The following ARSF variants were observed in gnomAD, a reference collection of about 807,000 sequenced individuals.
ARSF encodes the protein arylsulfatase F.
Under a neutral mutation model 35.4 loss-of-function variants are expected in ARSF, and 33 were observed. The ratio of observed to expected loss-of-function variants is 0.93; its 90% CI spans 0.71 to 1.25. ARSF has a LOEUF of 1.25. ARSF is among the 50% of genes most tolerant of loss of function. The pLI, the probability that ARSF is intolerant of heterozygous loss-of-function variation, is 0.00. For missense variants in ARSF, 501 were observed against 480.2 expected (o/e 1.04, Z -0.40); for synonymous variants, 222 against 193.1 (o/e 1.15, Z -1.24).
In ARSF at chrX:3,055,068, C is replaced by T. The variant is rs183601470; in HGVS notation, c.-28-13005C>T. On this transcript the variant is annotated intron_variant, in intron 1 of 10. Coordinates refer to ENST00000381127, the MANE Select transcript of ARSF (RefSeq NM_001201539.2). ...ACTTAAAATCCAATCTTTGGCCGGG[C>T]GCAGTGACTCATGCCTGTAATCCCA... is the stretch of plus-strand genomic sequence containing the variant. Among the ~76,000 whole-genome samples the T allele has an allele frequency of 3.7e-3, 399 of 106,411 alleles. 1 individual carries two copies. Among genetic ancestry groups the T allele is most frequent in the Non-Finnish European group, 5.8e-3 (299 of 51,611 alleles). 92.4% of individuals were successfully genotyped at this position (106,411 alleles called of 115,157 possible).
intron 8 of ARSF, among the ~76,000 whole-genome samples, chrX:3,102,647 G>T (rs1435943069): frequency 2.7e-5 from 3 of 112,276 alleles, no homozygotes. Context: ...AAAATTTTTG[G>T]CTCATGCCTG....
At chrX:3,073,604 TATA>T (rs1274423846) in intron 3 of ARSF, among the ~76,000 whole-genome samples, 1 of 92,946 alleles carries the variant, frequency 1.1e-5, no homozygotes, top group African/African-American at 3.7e-5. Flanking sequence ...TATAAATAAA[TATA>T]ATATAAATAT....
intron 4 of ARSF, among the ~76,000 whole-genome samples, 172 bp from the exon 5 acceptor site, chrX:3,080,719 C>T (rs189702284): frequency 9.0e-6 from 1 of 110,857 alleles, no homozygotes; most frequent in African/African-American, 3.3e-5. Flanking sequence ...TTTGTAAGGG[C>T]ACTGATTCCA....
intron 7 of ARSF, 22 bp from the exon 8 acceptor site, chrX:3,101,065 T>G (rs1196933372): frequency 1.7e-6 from 2 of 1,200,131 alleles, no homozygotes; most frequent in East Asian, 6.0e-5. Context: ...TATTTTTACT[T>G]GTCTCTTGTA....
chrX:3,101,617 T>C (rs989339253), intron 8 of ARSF, among the ~76,000 whole-genome samples: 1 of 111,352 alleles, frequency 9.0e-6, no homozygotes, highest in Non-Finnish European at 1.9e-5. Context: ...CAGGGATCCT[T>C]CATCATTAAG....
chrX:3,042,788 G>A (rs1385347509), intron 1 of ARSF, among the ~76,000 whole-genome samples: 1 of 110,785 alleles, frequency 9.0e-6, no homozygotes, highest in African/African-American at 3.3e-5. Flanking sequence ...GCAAGCCACC[G>A]CACCCGGCCA....
chrX:3,074,154 C>T (rs1405323469), intron 3 of ARSF, among the ~76,000 whole-genome samples: 1 of 110,588 alleles, frequency 9.0e-6, no homozygotes, highest in Non-Finnish European at 1.9e-5. Flanking sequence ...CACCGAAAAG[C>T]GCAGAAACAT....
At chrX:3,090,648 T>G (rs1423582963) in intron 7 of ARSF, among the ~76,000 whole-genome samples, 1 of 112,498 alleles carries the variant, frequency 8.9e-6, no homozygotes, top group African/African-American at 3.2e-5. Flanking sequence ...TGCACTCCAG[T>G]CTGGGTGACA....
At chrX:3,046,705 G>C (rs138026696) in intron 1 of ARSF, among the ~76,000 whole-genome samples, 4,418 of 111,455 alleles carry the variant, frequency 0.04, 93 homozygotes, top group Admixed American at 0.076. Flanking sequence ...CTCAGATGTG[G>C]GTCTGTCTCA....
In ARSF at chrX:3,076,561, G is replaced by C. The variant is rs111289343; in HGVS notation, c.175G>C (p.Asp59His). ...GNDTMRTPHI[D>H]RLAREGVRLT... ...CTCCCCCTTCAGGACGCCTCACATC[G>C]ACCGCCTTGCCAGGGAAGGCGTGCG... Residue 59 changes from aspartate (D) to histidine (H), a missense_variant, in exon 4 of 11, where the codon GAC becomes CAC. Coordinates refer to ENST00000381127, the MANE Select transcript of ARSF (RefSeq NM_001201539.2). 6.5e-4 allele frequency: 779 copies of C among 1,201,656 alleles called. No individual in the cohort carries two copies. The highest frequency in any genetic ancestry group is 1.9e-3 in the Middle Eastern group (8 of 4,248).
intron 6 of ARSF, among the ~76,000 whole-genome samples, chrX:3,085,417 T>A (rs963149968): frequency 1.8e-5 from 2 of 108,195 alleles, no homozygotes; most frequent in African/African-American, 6.7e-5. Flanking sequence ...TTGCATTATG[T>A]TCCTGTTGTT....
At position 3,075,921 on chromosome X, in the gene ARSF, TTC is replaced by T. The variant is rs1216230763; in HGVS notation, c.162-621_162-620del. On this transcript the variant is annotated intron_variant, in intron 3 of 10. Transcript: ENST00000381127. ...TCTCTGTATCTCTCTCTGTGTCTCT[TTC>T]TCTCTTTTCATCTCTCCCTGTTTGT... 6.6e-5 allele frequency among the ~76,000 whole-genome samples: 7 copies of T among 106,840 alleles called. No homozygotes were observed. In the Admixed American group the frequency reaches 7.1e-4, roughly 11 times the overall value. The allele number at this position is 106,840 out of a possible 115,157, so 92.8% of individuals were successfully genotyped here.
intron 1 of ARSF, among the ~76,000 whole-genome samples, chrX:3,061,384 A>G (rs1168973113): frequency 1.8e-5 from 2 of 111,588 alleles, no homozygotes; most frequent in African/African-American, 6.5e-5. Flanking sequence ...CTAGGAAGAA[A>G]CTGCATCAAC....
chrX:3,049,357 G>A (rs190885111), intron 1 of ARSF, among the ~76,000 whole-genome samples: 64 of 107,755 alleles, frequency 5.9e-4, no homozygotes, highest in Non-Finnish European at 9.0e-4. Context: ...GGGGTGGTGG[G>A]TAGAGGAATA....
intron 9 of ARSF, among the ~76,000 whole-genome samples, chrX:3,106,637 T>C (rs950378051): frequency 2.7e-5 from 3 of 112,244 alleles, no homozygotes; most frequent in African/African-American, 9.7e-5. Flanking sequence ...ATTTTTAGAA[T>C]TAACACAATT....
intron 10 of ARSF, among the ~76,000 whole-genome samples, chrX:3,111,692 A>G (rs2090445988): frequency 9.1e-6 from 1 of 109,949 alleles, no homozygotes; most frequent in South Asian, 3.9e-4. Flanking sequence ...CTTTATTTCT[A>G]TCATTATTAT....
chrX:3,076,047 ATTTC>A (rs1350886086), intron 3 of ARSF, among the ~76,000 whole-genome samples: 1 of 83,523 alleles, frequency 1.2e-5, no homozygotes, highest in Non-Finnish European at 2.4e-5. Flanking sequence ...CTCTCTTTCC[ATTTC>A]TTTCTGTCTC....
At chrX:3,112,086 G>A in intron 10 of ARSF, 88 bp from the exon 11 acceptor site, 1 of 825,540 alleles carries the variant, frequency 1.2e-6, no homozygotes, top group South Asian at 2.6e-5. Flanking sequence ...CCTGGGGACT[G>A]GGGACCCCTG....
chrX:3,105,669 T>C (rs1173072868), intron 9 of ARSF, among the ~76,000 whole-genome samples: 1 of 111,052 alleles, frequency 9.0e-6, no homozygotes, highest in Non-Finnish European at 1.9e-5. Context: ...TTCGCCATGT[T>C]GGCCAGGCTG....
Sources: allele counts gnomAD v4.1 joint callset (sites outside exome capture counted in the v4.1 genomes callset), GRCh38; gene constraint gnomAD v4.1.1; transcripts MANE v1.5; gene names NCBI Gene and HGNC (gene_info 2026-07-23, HGNC 2026-07-21).